Variants in ICA1 observed in about 807,000 individuals in gnomAD.
The protein encoded by ICA1 is islet cell autoantigen 1.
A neutral mutation model predicts 71.0 loss-of-function variants in ICA1; 40 were observed. The ratio of observed to expected loss-of-function variants is 0.56; its 90% CI spans 0.44 to 0.73. The LOEUF is 0.73. Ranked by LOEUF, ICA1 falls within the 30% of genes least tolerant of loss-of-function variation. The probability of loss-of-function intolerance (pLI) is 0.00; values close to 1 mark genes in which losing one functional copy is unlikely to be tolerated. For missense variants in ICA1, 578 were observed against 576.5 expected, an observed-to-expected ratio of 1.00 and a Z score of -0.03; for synonymous variants, 207 against 209.5, an observed-to-expected ratio of 0.99 and a Z score of 0.10.
intron 3 of ICA1, 66 bp from the exon 4 acceptor site, chr7:8,228,739 T>C (rs531492500): frequency 1.5e-5 from 16 of 1,088,444 alleles, no homozygotes; most frequent in South Asian, 7.1e-5. Context: ...AATAATTACA[T>C]TGAACACAAC....
chr7:8,221,898 A>G (rs575716420), intron 4 of ICA1, among the ~76,000 whole-genome samples: 136 of 152,246 alleles, frequency 8.9e-4, no homozygotes, highest in African/African-American at 3.0e-3. Flanking sequence ...AAGTGGGGGT[A>G]GGGACGGAGG....
At chr7:8,131,966 A>G (rs1791599200) in intron 12 of ICA1, among the ~76,000 whole-genome samples, 1 of 152,272 alleles carries the variant, frequency 6.6e-6, no homozygotes, top group Middle Eastern at 3.4e-3. Flanking sequence ...TGGTGCCCCA[A>G]TCCTGCTTTT....
At position 8,138,471 on chromosome 7, in the gene ICA1, C is replaced by G. The variant is rs116308101; in HGVS notation, c.1060+369G>C. On this transcript the variant is annotated intron_variant, in intron 12 of 13. Transcript: ENST00000402384. ...TTCCATTTTACAAATGAGAATAACC[C>G]AGGCTTAGAGAGTTTAAGTATGAAG... is the stretch of plus-strand genomic sequence containing the variant. Among the ~76,000 whole-genome samples the G allele has an allele frequency of 7.1e-3, 1,081 of 152,294 alleles. 25 individuals are homozygous for G. The highest frequency in any genetic ancestry group is 0.025 in the African/African-American group (1,039 of 41,550).
intron 6 of ICA1, among the ~76,000 whole-genome samples, chr7:8,196,994 G>A (rs1787821541): frequency 6.6e-6 from 1 of 152,198 alleles, no homozygotes; most frequent in African/African-American, 2.4e-5. Context: ...CCAGCCATGT[G>A]CAACTGTGAG....
rs1808982461 is a variant in ICA1, at chr7:8,173,059, A to G, written c.580-14407T>C. 6.6e-6 allele frequency among the ~76,000 whole-genome samples: 1 copy of G among 152,164 alleles called. No individual in the cohort carries two copies. The highest frequency in any genetic ancestry group is 1.5e-5 in the Non-Finnish European group (1 of 68,020). ...TGCTTTCTTTGCTTTCCCTATTAAGATTTAATCATTTAAAATGCATTTTCT... is the reference window on the plus strand; with the variant it reads ...TGCTTTCTTTGCTTTCCCTATTAAGGTTTAATCATTTAAAATGCATTTTCT... On this transcript the variant is annotated intron_variant, in intron 6 of 13. Transcript: ENST00000402384. The surrounding 1 kb of genome is among the most constrained non-coding windows in gnomAD (Gnocchi z 4.0).
rs1460681800 is a variant in ICA1, at chr7:8,132,754, G to T, written c.1061-4612C>A. 6.6e-6 allele frequency among the ~76,000 whole-genome samples: 1 copy of T among 152,144 alleles called. No individual in the cohort carries two copies. Among genetic ancestry groups the T allele is most frequent in the Non-Finnish European group, 1.5e-5 (1 of 68,032 alleles). ...TCATACCTTCCCTACATTCTCTATA[G>T]AAGATCTTTTCTATTCTTAGGGTTC... On this transcript the variant is annotated intron_variant, in intron 12 of 13. Coordinates refer to ENST00000402384, the MANE Select transcript of ICA1 (RefSeq NM_001136020.3). The surrounding 1 kb of genome is among the most constrained non-coding windows in gnomAD (Gnocchi z 4.5).
chr7:8,162,701 T>G (rs1231704330), intron 6 of ICA1, among the ~76,000 whole-genome samples: 4 of 152,186 alleles, frequency 2.6e-5, no homozygotes, highest in Non-Finnish European at 4.4e-5. Flanking sequence ...AATGTACCCT[T>G]TATTTCTTAG....
At chr7:8,146,675 T>C (rs986043421) in intron 8 of ICA1, among the ~76,000 whole-genome samples, 1 of 151,700 alleles carries the variant, frequency 6.6e-6, no homozygotes, top group African/African-American at 2.4e-5. Flanking sequence ...TGGATGTTCA[T>C]GATTTTTTTA....
intron 13 of ICA1, among the ~76,000 whole-genome samples, chr7:8,118,438 G>A (rs1343716024): frequency 6.6e-6 from 1 of 152,184 alleles, no homozygotes; most frequent in African/African-American, 2.4e-5. Flanking sequence ...ACAATATAAA[G>A]TTACCCGAAA....
intron 1 of ICA1, chr7:8,236,926 C>CAT (rs1802021579): frequency 6.6e-6 from 1 of 152,262 alleles, no homozygotes; most frequent in Non-Finnish European, 1.5e-5. Context: ...CAGACTGCTT[C>CAT]ACAAAATCAA....
chr7:8,138,930 T>C, intron 11 of ICA1, 49 bp from the exon 12 acceptor site: 1 of 1,596,040 alleles, frequency 6.3e-7, no homozygotes, highest in Non-Finnish European at 8.6e-7. Flanking sequence ...TTTCATTTTG[T>C]GAGGAGTTTG....
At chr7:8,215,430 GCACCACGTGCCACCATAGACACTACTGTT>G (rs1795090479) in intron 6 of ICA1, among the ~76,000 whole-genome samples, 1 of 152,076 alleles carries the variant, frequency 6.6e-6, no homozygotes, top group Non-Finnish European at 1.5e-5. Flanking sequence ...AGCTCCTGCA[GCACCACGTGCCACCATAGACACTACTGTT>G]CACCATGCGC....
intron 5 of ICA1, 126 bp downstream of exon 5, chr7:8,221,149 C>T: frequency 9.4e-7 from 1 of 1,065,888 alleles, no homozygotes; most frequent in Non-Finnish European, 1.4e-6. Flanking sequence ...CTAGTGAGTA[C>T]AGAGCAGCTC....
intron 8 of ICA1, among the ~76,000 whole-genome samples, chr7:8,153,677 T>C (rs566658548): frequency 1.3e-5 from 2 of 152,202 alleles, no homozygotes; most frequent in South Asian, 4.1e-4. Context: ...AAACTCTTAG[T>C]CTAAGTTACT....
At chr7:8,125,542 C>G (rs1271588598) in intron 13 of ICA1, among the ~76,000 whole-genome samples, 1 of 152,214 alleles carries the variant, frequency 6.6e-6, no homozygotes, top group Admixed American at 6.5e-5. Flanking sequence ...ACTCCATTAT[C>G]CCCAGGCTCT....
intron 4 of ICA1, 38 bp downstream of exon 4, chr7:8,228,563 T>C: frequency 8.0e-7 from 1 of 1,254,080 alleles, no homozygotes; most frequent in Admixed American, 2.1e-5. Context: ...TGCTATTTCT[T>C]ACTATTTGAT....
chr7:8,203,426 T>C (rs1790424369), intron 6 of ICA1, among the ~76,000 whole-genome samples: 1 of 152,236 alleles, frequency 6.6e-6, no homozygotes, highest in Non-Finnish European at 1.5e-5. Flanking sequence ...AATTGCCTTT[T>C]TTGATGGATC....
chr7:8,129,269 A>AT lies in ICA1; in HGVS notation c.1061-1128dup, dbSNP rs541151059. Among the ~76,000 whole-genome samples the AT allele has an allele frequency of 2.4e-4, 36 of 151,948 alleles. No individual in the cohort carries two copies. The East Asian group carries it at 6.6e-3, about 28-fold the overall frequency. On this transcript the variant is annotated intron_variant, in intron 12 of 13. Coordinates refer to ENST00000402384, the MANE Select transcript of ICA1 (RefSeq NM_001136020.3). The stretch of plus-strand genomic sequence containing the variant: ...AAAGAGAAGAAAAAAATCATGATTT[A>AT]TGTTTTTTTTCTGAGACATGCTGCA...
At chr7:8,146,576 C>T (rs370616872) in intron 8 of ICA1, among the ~76,000 whole-genome samples, 2 of 152,160 alleles carry the variant, frequency 1.3e-5, no homozygotes, top group East Asian at 3.9e-4. Context: ...AATACACGAT[C>T]CTTGGCTGCT....
Sources: gnomAD v4.1 joint callset for allele counts (sites outside exome capture counted in the v4.1 genomes callset) on GRCh38, gnomAD v4.1.1 for gene constraint, Gnocchi (gnomAD v3.1) non-coding constraint, MANE v1.5 for transcripts, NCBI Gene and HGNC (gene_info 2026-07-23, HGNC 2026-07-21) for gene names.